NT5C1B: variants seen among roughly 807,000 people sequenced by gnomAD.
The protein encoded by NT5C1B is cytosolic 5'-nucleotidase 1B.
A neutral mutation model predicts 57.8 loss-of-function variants in NT5C1B; 44 were observed. The observed-to-expected ratio is 0.76, with a 90% CI of 0.60 to 0.98. NT5C1B has a LOEUF of 0.98. NT5C1B is among the 50% of genes least tolerant of loss of function. The probability of loss-of-function intolerance (pLI) is 0.00; values close to 1 mark genes in which losing one functional copy is unlikely to be tolerated. For synonymous variants in NT5C1B, 284 were observed against 282.6 expected (o/e 1.00, Z -0.05); for missense variants, 742 against 719.5 (o/e 1.03, Z -0.36).
chr2:18,567,332 GT>G (rs1177044796), intron 8 of NT5C1B, among the ~76,000 whole-genome samples: 3 of 152,166 alleles, frequency 2.0e-5, no homozygotes, highest in African/African-American at 7.2e-5. Flanking sequence ...AAGATCCACT[GT>G]TACAGAAGAA....
intron 6 of NT5C1B, 137 bp from the exon 7 acceptor site, chr2:18,577,032 T>A: frequency 1.4e-6 from 2 of 1,430,712 alleles, no homozygotes; most frequent in Non-Finnish European, 1.9e-6. Context: ...TAAAGGAAAG[T>A]TACCTTAGAA....
chr2:18,580,440 C>T (rs866758851), intron 6 of NT5C1B, among the ~76,000 whole-genome samples: 3 of 152,060 alleles, frequency 2.0e-5, no homozygotes. Context: ...ATGGAGAAAC[C>T]CTGTCTCTAC....
chr2:18,589,456 A>G, exon 1 of NT5C1B: 1 of 1,614,046 alleles, frequency 6.2e-7, no homozygotes, highest in East Asian at 2.2e-5. Flanking sequence ...TGTTTGAGAG[A>G]TGTTTGACTC....
rs577147502 is a variant in NT5C1B, at chr2:18,580,484, A to G, written c.1021+2384T>C. On this transcript the variant is annotated intron_variant, in intron 6 of 8. Coordinates refer to ENST00000304081, the Ensembl canonical transcript of NT5C1B. ...TACAAAATTAGTCGGGCGTGGTGGC[A>G]CATGCCTGTAATCCCAGCTACTCGG... Among the ~76,000 whole-genome samples the G allele has an allele frequency of 4.7e-3, 714 of 152,248 alleles. 2 individuals are homozygous for G. Among genetic ancestry groups the G allele is most frequent in the Middle Eastern group, 0.014 (4 of 294 alleles).
chr2:18,563,739 A>G (rs1664380993), exon 9 of NT5C1B: 1 of 1,442,868 alleles, frequency 6.9e-7, no homozygotes, highest in Non-Finnish European at 9.2e-7. Flanking sequence ...CTAGAGAGCC[A>G]AAAGAAGTGG....
intron 8 of NT5C1B, among the ~76,000 whole-genome samples, chr2:18,575,443 T>TA (rs1665589307): frequency 6.6e-6 from 1 of 152,138 alleles, no homozygotes; most frequent in Non-Finnish European, 1.5e-5. Context: ...AAGTTTAACT[T>TA]AAGTTCAGGA....
In NT5C1B at chr2:18,584,389, G is replaced by C; in HGVS notation, c.723+125C>G. The C allele has an allele frequency of 6.5e-7, 1 of 1,530,428 alleles. No homozygotes were observed. The highest frequency in any genetic ancestry group is 8.8e-7 in the Non-Finnish European group (1 of 1,139,250). The allele number at this position is 1,530,428 out of a possible 1,614,324, so 94.8% of individuals were successfully genotyped here. ...AAGCGGGATGCTGGAGACAGCTGAG[G>C]CTGGGACTCCCCGAAGTTTGGGGAG... On this transcript the variant is annotated intron_variant, in intron 4 of 8. Transcript: ENST00000304081. This position sits in a 1 kb window ranked among gnomAD's most constrained non-coding sequence, Gnocchi z 5.8.
intron 8 of NT5C1B, among the ~76,000 whole-genome samples, chr2:18,575,122 G>C (rs1665560124): frequency 6.6e-6 from 1 of 151,950 alleles, no homozygotes; most frequent in Non-Finnish European, 1.5e-5. Flanking sequence ...AAGTGTTTTT[G>C]TTTAAGTGTT....
chr2:18,583,994 T>C (rs1666424194), intron 5 of NT5C1B, 94 bp downstream of exon 5: 1 of 1,607,452 alleles, frequency 6.2e-7, no homozygotes. Flanking sequence ...GGGCTAGGAA[T>C]GATCTGGGAA....
At chr2:18,579,249 A>T (rs1206111180) in intron 6 of NT5C1B, among the ~76,000 whole-genome samples, 2 of 152,374 alleles carry the variant, frequency 1.3e-5, no homozygotes, top group African/African-American at 4.8e-5. Flanking sequence ...TATTCCTATC[A>T]AACTACCAAT....
At chr2:18,581,390 T>G (rs1330781607) in intron 6 of NT5C1B, among the ~76,000 whole-genome samples, 1 of 152,128 alleles carries the variant, frequency 6.6e-6, no homozygotes, top group Non-Finnish European at 1.5e-5. Flanking sequence ...AATGTGACAG[T>G]AGTTATATAA....
At chr2:18,582,305 C>T (rs529275606) in intron 6 of NT5C1B, among the ~76,000 whole-genome samples, 9 of 152,168 alleles carry the variant, frequency 5.9e-5, no homozygotes, top group African/African-American at 1.4e-4. Context: ...TAATTGTGCC[C>T]GAAATAATTC....
chr2:18,576,117 ATATTGATATT>A (rs1665645846), intron 8 of NT5C1B, 57 bp downstream of exon 8: 2 of 1,444,716 alleles, frequency 1.4e-6, no homozygotes, highest in Admixed American at 5.4e-5. Flanking sequence ...GAATGGACCA[ATATTGATATT>A]TATATATTAG....
At chr2:18,578,702 A>T (rs901710653) in intron 6 of NT5C1B, among the ~76,000 whole-genome samples, 4 of 152,206 alleles carry the variant, frequency 2.6e-5, no homozygotes, top group African/African-American at 9.6e-5. Flanking sequence ...AGCCAACATC[A>T]TACTGAGTGG....
At chr2:18,578,488 C>T (rs1665900945) in intron 6 of NT5C1B, among the ~76,000 whole-genome samples, 1 of 151,864 alleles carries the variant, frequency 6.6e-6, no homozygotes, top group South Asian at 2.1e-4. Context: ...AAATGTGATT[C>T]ATCAAATAAA....
chr2:18,563,901 C>G (rs927218090), exon 9 of NT5C1B: 3 of 1,614,164 alleles, frequency 1.9e-6, no homozygotes, highest in Admixed American at 1.7e-5. Context: ...GGGGCCGGAT[C>G]TTCACCAAGA....
intron 1 of NT5C1B, 115 bp downstream of exon 1, chr2:18,589,324 A>G: frequency 7.2e-7 from 1 of 1,391,530 alleles, no homozygotes; most frequent in Non-Finnish European, 1.0e-6. Flanking sequence ...CTCTACCTGA[A>G]GCCATTATCT....
Position 18,587,598 on chromosome 2 carries a change from C to T in NT5C1B, c.31-6G>A. On this transcript the variant is annotated splice_region_variant and splice_polypyrimidine_tract_variant and intron_variant, in intron 1 of 8. Coordinates refer to ENST00000304081, the Ensembl canonical transcript of NT5C1B. Reference sequence around the variant, plus strand: ...GACCTCATTCCAGGCTCATTCTTGACAAGGAAACAAAGAATGTTTATTAAT... The same window carrying T: ...GACCTCATTCCAGGCTCATTCTTGATAAGGAAACAAAGAATGTTTATTAAT... The T allele has an allele frequency of 6.2e-7, 1 of 1,607,390 alleles. No individual in the cohort carries two copies. The highest frequency in any genetic ancestry group is 8.5e-7 in the Non-Finnish European group (1 of 1,178,830).
intron 8 of NT5C1B, among the ~76,000 whole-genome samples, chr2:18,569,336 G>GAAC (rs1558369482): frequency 6.6e-6 from 1 of 152,010 alleles, no homozygotes; most frequent in Non-Finnish European, 1.5e-5. Flanking sequence ...AGGGGACTAA[G>GAAC]AACAGTTGGA....
Sources: allele counts gnomAD v4.1 joint callset (sites outside exome capture counted in the v4.1 genomes callset), GRCh38; gene constraint gnomAD v4.1.1; non-coding constraint Gnocchi (gnomAD v3.1); transcripts MANE v1.5; gene names NCBI Gene and HGNC (gene_info 2026-07-23, HGNC 2026-07-21).